The following TP63 variants were observed in gnomAD, a reference collection of about 807,000 sequenced individuals.
The protein encoded by TP63 is tumor protein 63.
TP63 carries 17 observed loss-of-function variants against 82.8 expected under a neutral mutation model. The observed-to-expected ratio is 0.21, with a 90% CI of 0.14 to 0.31. The LOEUF is 0.31. TP63 is among the 10% of genes least tolerant of loss of function. TP63 has a pLI of 1.00. For missense variants in TP63, 648 were observed against 895.3 expected (o/e 0.72, Z 3.52); for synonymous variants, 330 against 321.7 (o/e 1.03, Z -0.28).
Position 189,797,778 on chromosome 3 carries a change from G to A in TP63, c.325-10494G>A, listed in dbSNP as rs190057984. 9.2e-5 allele frequency among the ~76,000 whole-genome samples: 14 copies of A among 152,102 alleles called. No individual in the cohort carries two copies. In the East Asian group the frequency reaches 2.1e-3, roughly 23 times the overall value. On this transcript the variant is annotated intron_variant, in intron 3 of 13. Transcript: ENST00000264731. ...ACAGACAATCCCAAAATGCTTGAAA[G>A]GCTGAAAATCAGAATGGTGAGACTT... is the stretch of plus-strand genomic sequence containing the variant.
intron 4 of TP63, among the ~76,000 whole-genome samples, chr3:189,818,185 C>T (rs962239769): frequency 2.8e-4 from 43 of 151,774 alleles, no homozygotes; most frequent in African/African-American, 9.9e-4. Flanking sequence ...CTTGAAAATT[C>T]TTTTTATTCC....
chr3:189,639,222 T>C (rs937465193), intron 1 of TP63, among the ~76,000 whole-genome samples: 2 of 152,138 alleles, frequency 1.3e-5, no homozygotes, highest in Non-Finnish European at 2.9e-5. Context: ...AAAGACTCTG[T>C]CTATGTAATT....
chr3:189,663,014 A>ATT (rs34269769), intron 1 of TP63, among the ~76,000 whole-genome samples: 82 of 151,224 alleles, frequency 5.4e-4, no homozygotes, highest in Non-Finnish European at 6.8e-4. Flanking sequence ...AGTGCTCTGA[A>ATT]TTTTTTTTTG....
At chr3:189,638,788 C>T (rs375612107) in intron 1 of TP63, among the ~76,000 whole-genome samples, 1 of 152,138 alleles carries the variant, frequency 6.6e-6, no homozygotes, top group South Asian at 2.1e-4. Flanking sequence ...ATCGATGCCT[C>T]TCTCTGAGAA....
the TP63 span, among the ~76,000 whole-genome samples, chr3:189,606,119 T>G: frequency 6.6e-6 from 1 of 152,188 alleles, no homozygotes; most frequent in East Asian, 1.9e-4. Flanking sequence ...AACATTGCTA[T>G]TCATAATTTA....
At chr3:189,783,978 T>TA (rs944318698) in intron 3 of TP63, among the ~76,000 whole-genome samples, 5 of 151,268 alleles carry the variant, frequency 3.3e-5, no homozygotes, top group South Asian at 2.1e-4. Flanking sequence ...TAATGATAAC[T>TA]AAAAAAAAAT....
intron 4 of TP63, among the ~76,000 whole-genome samples, chr3:189,841,315 G>A (rs1229799246): frequency 6.6e-6 from 1 of 152,190 alleles, no homozygotes; most frequent in Non-Finnish European, 1.5e-5. Context: ...TATAGAGTTA[G>A]CTGAGGATTA....
chr3:189,767,568 A>C (rs1723044589), intron 3 of TP63, among the ~76,000 whole-genome samples: 1 of 152,172 alleles, frequency 6.6e-6, no homozygotes, highest in Non-Finnish European at 1.5e-5. Context: ...ATTTGAATCA[A>C]TCTGAAGTTT....
intron 3 of TP63, among the ~76,000 whole-genome samples, chr3:189,795,347 C>G (rs1009604992): frequency 2.6e-5 from 4 of 152,044 alleles, no homozygotes; most frequent in Non-Finnish European, 5.9e-5. Flanking sequence ...CAGCTTCTAG[C>G]CTCCGTGAAT....
intron 3 of TP63, among the ~76,000 whole-genome samples, chr3:189,807,775 A>G (rs1261761149): frequency 2.0e-5 from 3 of 152,200 alleles, no homozygotes; most frequent in African/African-American, 7.2e-5. Flanking sequence ...GCAGAATTGC[A>G]AGATTAAGAG....
At chr3:189,695,771 T>G (rs1717330993) in intron 1 of TP63, among the ~76,000 whole-genome samples, 1 of 152,226 alleles carries the variant, frequency 6.6e-6, no homozygotes, top group Admixed American at 6.5e-5. Flanking sequence ...TCCATTTACT[T>G]AATTGTTTTA....
In TP63 at chr3:189,894,585, C is replaced by G. The variant is rs772129281; in HGVS notation, c.*83C>G. On this transcript the variant is annotated 3_prime_UTR_variant, in exon 14 of 14. Transcript: ENST00000264731. ...TCCTGCTTAATCTTCAAAGCCTTCT[C>G]CCTAGCTCCTCCCCTTCCTCTTGTC... The G allele has an allele frequency of 5.3e-6, 8 of 1,512,304 alleles. No individual in the cohort carries two copies. The highest frequency in any genetic ancestry group is 7.2e-6 in the Non-Finnish European group (8 of 1,111,456). 93.7% of individuals were successfully genotyped at this position (1,512,304 alleles called of 1,614,324 possible).
rs145802449 is a variant in TP63 at position 189,795,159 on chromosome 3, GA to G, written c.325-13108del. On this transcript the variant is annotated intron_variant, in intron 3 of 13. Coordinates refer to ENST00000264731, the MANE Select transcript of TP63 (RefSeq NM_003722.5). Reference sequence around the variant, plus strand: ...ACACACTAACACTCCACCCCAAAATGAAAAAGTAGTATAAATTTGGCTGTAA... The same window carrying G: ...ACACACTAACACTCCACCCCAAAATGAAAAGTAGTATAAATTTGGCTGTAA... 6.2e-3 allele frequency among the ~76,000 whole-genome samples: 950 copies of G among 152,048 alleles called. 7 individuals carry two copies. The highest frequency in any genetic ancestry group is 0.022 in the African/African-American group (909 of 41,518).
chr3:189,893,986 G>A (rs1186461764), intron 13 of TP63, among the ~76,000 whole-genome samples: 1 of 152,120 alleles, frequency 6.6e-6, no homozygotes, highest in East Asian at 1.9e-4. Flanking sequence ...GAGACTAAGT[G>A]AAGTGTTCTA....
intron 3 of TP63, among the ~76,000 whole-genome samples, chr3:189,796,951 G>A (rs1043365077): frequency 6.6e-6 from 1 of 152,040 alleles, no homozygotes; most frequent in African/African-American, 2.4e-5. Context: ...GAGCTGAGAT[G>A]GCTTCACCAG....
At position 189,802,780 on chromosome 3, in the gene TP63, T is replaced by G. The variant is rs141671980; in HGVS notation, c.325-5492T>G. On this transcript the variant is annotated intron_variant, in intron 3 of 13. Transcript: ENST00000264731. Reference sequence around the variant, plus strand: ...AGTCACTCATGGATTATAAATACAATTTCTTCCAAGTGAAATTTGGGAATA... The same window carrying G: ...AGTCACTCATGGATTATAAATACAAGTTCTTCCAAGTGAAATTTGGGAATA... Among the ~76,000 whole-genome samples the G allele has an allele frequency of 6.6e-3, 1,008 of 152,324 alleles. 8 individuals are homozygous for G. Among genetic ancestry groups the G allele is most frequent in the African/African-American group, 0.023 (966 of 41,576 alleles).
At chr3:189,661,119 G>A (rs1364264337) in intron 1 of TP63, among the ~76,000 whole-genome samples, 1 of 151,972 alleles carries the variant, frequency 6.6e-6, no homozygotes, top group Non-Finnish European at 1.5e-5. Context: ...TTGAATAGAA[G>A]TAGTGAGAGT....
chr3:189,892,528 C>G (rs1172846199), intron 13 of TP63, among the ~76,000 whole-genome samples: 2 of 152,216 alleles, frequency 1.3e-5, no homozygotes, highest in Admixed American at 1.3e-4. Flanking sequence ...CATGGTGGCT[C>G]ACACCTGTAA....
At chr3:189,717,625 A>G (rs1719058630) in intron 1 of TP63, among the ~76,000 whole-genome samples, 1 of 152,216 alleles carries the variant, frequency 6.6e-6, no homozygotes, top group Non-Finnish European at 1.5e-5. Context: ...AGACATCCTG[A>G]TTAAATGAAG....
Sources: gnomAD v4.1 joint callset for allele counts (sites outside exome capture counted in the v4.1 genomes callset) on GRCh38, gnomAD v4.1.1 for gene constraint, MANE v1.5 for transcripts, NCBI Gene and HGNC (gene_info 2026-07-23, HGNC 2026-07-21) for gene names.